The following BRD7 variants were observed in gnomAD, a reference collection of about 807,000 sequenced individuals.
BRD7 encodes bromodomain-containing protein 7.
Under a neutral mutation model 82.1 loss-of-function variants are expected in BRD7, and 15 were observed. The ratio of observed to expected loss-of-function variants is 0.18; its 90% CI spans 0.12 to 0.28. The LOEUF (loss-of-function observed/expected upper bound fraction) is 0.28, where lower values mean the gene tolerates loss of function less well. Among genes scored for constraint, BRD7 ranks in the 10% least tolerant of loss-of-function variants. BRD7 has a pLI of 1.00. For synonymous variants in BRD7, 232 were observed against 266.9 expected, an observed-to-expected ratio of 0.87 and a Z score of 1.27; for missense variants, 638 against 779.9, an observed-to-expected ratio of 0.82 and a Z score of 2.17.
chr16:50,338,968 G>C (rs947590664), intron 6 of BRD7, among the ~76,000 whole-genome samples: 1 of 152,168 alleles, frequency 6.6e-6, no homozygotes, highest in Non-Finnish European at 1.5e-5. Context: ...CTTATCTTGC[G>C]AGTTATTTTC....
intron 6 of BRD7, 71 bp downstream of exon 6, chr16:50,339,905 G>C (rs1238058730): frequency 2.3e-6 from 2 of 852,084 alleles, no homozygotes; most frequent in African/African-American, 1.8e-5. Flanking sequence ...TATTGTATCT[G>C]TATTACTATG....
chr16:50,323,057 G>C (rs1296532537), intron 12 of BRD7, among the ~76,000 whole-genome samples: 4 of 152,192 alleles, frequency 2.6e-5, no homozygotes, highest in East Asian at 3.8e-4. Flanking sequence ...ACTCTCTTCT[G>C]TATCAGTAGG....
intron 6 of BRD7, among the ~76,000 whole-genome samples, chr16:50,335,822 A>C (rs1206946436): frequency 6.6e-6 from 1 of 152,152 alleles, no homozygotes; most frequent in African/African-American, 2.4e-5. Flanking sequence ...TCCTCATCAC[A>C]CCATGCTCTA....
chr16:50,368,449 C>T (rs2039238016), intron 1 of BRD7, 151 bp from the exon 2 acceptor site: 8 of 925,104 alleles, frequency 8.6e-6, no homozygotes, highest in African/African-American at 1.7e-5. Flanking sequence ...GACCCCGGCC[C>T]GGGGGTGCGG....
rs2037960691 is a variant in BRD7 at position 50,339,579 on chromosome 16, T to C, written c.702+397A>G. ...GTATTATGCAGCGCATGACTGTATT[T>C]TCTTACTAGAAATTCTGTGCTTCTG... On this transcript the variant is annotated intron_variant, in intron 6 of 16. Coordinates refer to ENST00000394688, the MANE Select transcript of BRD7 (RefSeq NM_013263.5). Among the ~76,000 whole-genome samples the C allele has an allele frequency of 2.0e-5, 3 of 152,242 alleles. No homozygotes were observed. The South Asian group carries it at 6.2e-4, about 32-fold the overall frequency.
chr16:50,321,622 T>C (rs1001603987), intron 13 of BRD7, among the ~76,000 whole-genome samples: 1 of 144,418 alleles, frequency 6.9e-6, no homozygotes, highest in Non-Finnish European at 1.5e-5. Flanking sequence ...TCAGAATCAT[T>C]AAGACTCAGG....
At chr16:50,367,963 G>C (rs1168540536) in intron 2 of BRD7, 127 bp downstream of exon 2, 2 of 942,788 alleles carry the variant, frequency 2.1e-6, no homozygotes, top group Non-Finnish European at 3.3e-6. Flanking sequence ...ATTCTGTCCT[G>C]CTCCTCCTCA....
intron 2 of BRD7, chr16:50,361,924 G>T (rs1450381822): frequency 1.3e-5 from 2 of 152,092 alleles, no homozygotes; most frequent in Non-Finnish European, 2.9e-5. Context: ...TCTATTCAGG[G>T]ATCATCATCT....
At chr16:50,350,633 T>C (rs979918591) in intron 4 of BRD7, among the ~76,000 whole-genome samples, 9 of 152,334 alleles carry the variant, frequency 5.9e-5, no homozygotes, top group African/African-American at 2.2e-4. Flanking sequence ...CATAAATGGA[T>C]ATAACTTCTA....
intron 9 of BRD7, 140 bp downstream of exon 9, chr16:50,328,529 A>G (rs2151145336): frequency 1.6e-6 from 1 of 609,616 alleles, no homozygotes; most frequent in African/African-American, 1.9e-5. Context: ...ACCATGAAAT[A>G]CATGATGTCT....
chr16:50,319,380 C>T (rs1285853385), intron 16 of BRD7, 114 bp from the exon 17 acceptor site: 4 of 921,188 alleles, frequency 4.3e-6, no homozygotes, highest in Admixed American at 2.3e-5. Context: ...CCTTCTTCAC[C>T]ACATCCAAGG....
At chr16:50,343,393 G>A (rs2038152242) in intron 5 of BRD7, among the ~76,000 whole-genome samples, 1 of 152,244 alleles carries the variant, frequency 6.6e-6, no homozygotes, top group South Asian at 2.1e-4. Context: ...CAGCATGAGT[G>A]ATGCAGAAGA....
intron 4 of BRD7, among the ~76,000 whole-genome samples, chr16:50,350,706 T>C (rs943570548): frequency 6.6e-6 from 1 of 152,178 alleles, no homozygotes; most frequent in African/African-American, 2.4e-5. Context: ...AATACCTCCG[T>C]ATGTGTGCCA....
Position 50,333,777 on chromosome 16 carries a change from A to G in BRD7, c.888-80T>C, listed in dbSNP as rs1444482734. The G allele has an allele frequency of 1.9e-5, 23 of 1,209,250 alleles. No individual in the cohort carries two copies. The Admixed American group carries it at 4.9e-4, about 26-fold the overall frequency. The allele number at this position is 1,209,250 out of a possible 1,614,324, so 74.9% of individuals were successfully genotyped here. On this transcript the variant is annotated intron_variant, in intron 7 of 16. Coordinates refer to ENST00000394688, the MANE Select transcript of BRD7 (RefSeq NM_013263.5). ...AACATTCAAATGAATTCTAAATATG[A>G]ATACAACTAAAGTGGAGACATTTGT...
chr16:50,334,998 G>GGGAA (rs1437721393), intron 6 of BRD7, 103 bp from the exon 7 acceptor site: 1 of 1,156,256 alleles, frequency 8.6e-7, no homozygotes, highest in East Asian at 2.6e-5. Context: ...TCATTAACCA[G>GGGAA]GGAAGAAAAA....
intron 2 of BRD7, among the ~76,000 whole-genome samples, chr16:50,360,105 A>C (rs2038883701): frequency 6.6e-6 from 1 of 152,224 alleles, no homozygotes; most frequent in Non-Finnish European, 1.5e-5. Context: ...GAACCACATT[A>C]TTCACTCAAC....
chr16:50,353,510 AC>A (rs2038616426), intron 4 of BRD7, among the ~76,000 whole-genome samples: 1 of 152,146 alleles, frequency 6.6e-6, no homozygotes, highest in South Asian at 2.1e-4. Flanking sequence ...ACAACCATAA[AC>A]CCTTTGCAAA....
intron 5 of BRD7, among the ~76,000 whole-genome samples, chr16:50,347,827 C>T (rs1382159482): frequency 1.3e-5 from 2 of 152,108 alleles, no homozygotes; most frequent in African/African-American, 4.8e-5. Flanking sequence ...TGAAAATGGC[C>T]ATAGTGCCCA....
chr16:50,344,989 A>C (rs918418310), intron 5 of BRD7, among the ~76,000 whole-genome samples: 1 of 152,232 alleles, frequency 6.6e-6, no homozygotes, highest in Non-Finnish European at 1.5e-5. Flanking sequence ...GTTGAAATGA[A>C]GGAAAAAATG....
Sources: gnomAD v4.1 joint callset for allele counts (sites outside exome capture counted in the v4.1 genomes callset) on GRCh38, gnomAD v4.1.1 for gene constraint, MANE v1.5 for transcripts, NCBI Gene and HGNC (gene_info 2026-07-23, HGNC 2026-07-21) for gene names.